Variants in RABEP1 observed in about 807,000 individuals in gnomAD.
The protein encoded by RABEP1 is rab GTPase-binding effector protein 1.
Under a neutral mutation model 123.4 loss-of-function variants are expected in RABEP1, and 51 were observed. The ratio of observed to expected loss-of-function variants is 0.41; its 90% CI spans 0.33 to 0.52. The LOEUF is 0.52. RABEP1 is among the 20% of genes least tolerant of loss of function. RABEP1 has a pLI of 0.16. For synonymous variants in RABEP1, 347 were observed against 355.2 expected (o/e 0.98, Z 0.26); for missense variants, 888 against 996.3 (o/e 0.89, Z 1.46).
chr17:5,302,340 A>C (rs1169193257), intron 1 of RABEP1, among the ~76,000 whole-genome samples: 1 of 145,688 alleles, frequency 6.9e-6, no homozygotes, highest in African/African-American at 2.6e-5. Context: ...TCCCCAGTTC[A>C]AGCAATTCTC....
intron 4 of RABEP1, 23 bp downstream of exon 4, chr17:5,335,367 G>A (rs540379138): frequency 1.9e-6 from 3 of 1,581,610 alleles, no homozygotes; most frequent in Non-Finnish European, 1.7e-6. Context: ...GTGTTCATTT[G>A]TAGAAATATT....
At chr17:5,298,193 A>G (rs193102666) in intron 1 of RABEP1, among the ~76,000 whole-genome samples, 4 of 152,348 alleles carry the variant, frequency 2.6e-5, no homozygotes, top group Non-Finnish European at 1.5e-5. Flanking sequence ...TTTTCTTCTG[A>G]TAAGTAACCC....
At position 5,360,428 on chromosome 17, in the gene RABEP1, G is replaced by A. The variant is rs375866397; in HGVS notation, c.1096-780G>A. ...ATAGAAAACATTAGCCGGGCGAGGT[G>A]GCGGGCACCTGTAGTCCCAGCTACT... On this transcript the variant is annotated intron_variant, in intron 8 of 17. Coordinates refer to ENST00000537505, the MANE Select transcript of RABEP1 (RefSeq NM_004703.6). Among the ~76,000 whole-genome samples the A allele has an allele frequency of 9.8e-5, 15 of 152,346 alleles. 1 individual carries two copies. The highest frequency in any genetic ancestry group is 7.2e-4 in the Admixed American group (11 of 15,298).
rs530468329 is a variant in RABEP1, at chr17:5,333,837, G to C, written c.368-1347G>C. 5.3e-5 allele frequency among the ~76,000 whole-genome samples: 8 copies of C among 152,240 alleles called. No homozygotes were observed. The East Asian group carries it at 1.5e-3, about 29-fold the overall frequency. On this transcript the variant is annotated intron_variant, in intron 3 of 17. Coordinates refer to ENST00000537505, the MANE Select transcript of RABEP1 (RefSeq NM_004703.6). ...CTGAAAAATAGCTGCTTCTCCTTCA[G>C]TCTGCATCAGAAAAGCAAAAATTTT...
intron 12 of RABEP1, chr17:5,371,700 G>C (rs868667440): frequency 2.0e-5 from 3 of 152,366 alleles, no homozygotes; most frequent in African/African-American, 7.2e-5. Context: ...CCTCCTCTGG[G>C]AAGTGTTCTT....
chr17:5,288,278 C>T (rs2074998650), intron 1 of RABEP1, among the ~76,000 whole-genome samples: 1 of 152,152 alleles, frequency 6.6e-6, no homozygotes, highest in African/African-American at 2.4e-5. Context: ...AGAAAGGTCA[C>T]TGTGCCTGGG....
chr17:5,364,185 C>G (rs1338268790), intron 10 of RABEP1: 1 of 152,130 alleles, frequency 6.6e-6, no homozygotes, highest in Non-Finnish European at 1.5e-5. Context: ...GAATGGTTTT[C>G]ATAAACATTT....
At chr17:5,314,296 G>T (rs1305422170) in intron 2 of RABEP1, among the ~76,000 whole-genome samples, 1 of 119,498 alleles carries the variant, frequency 8.4e-6, no homozygotes, top group Admixed American at 1.2e-4. Flanking sequence ...AGGCTGGAGT[G>T]CAGTGGCACG....
At chr17:5,366,971 C>T (rs1020749778) in intron 11 of RABEP1, among the ~76,000 whole-genome samples, 1 of 151,264 alleles carries the variant, frequency 6.6e-6, no homozygotes, top group Non-Finnish European at 1.5e-5. Context: ...TTCCTGTAAT[C>T]CCAGCCACTT....
rs919699745 is a variant in RABEP1, at chr17:5,283,819, T to A, written c.34+1299T>A. 2.0e-5 allele frequency: 3 copies of A among 152,320 alleles called. No homozygotes were observed. The South Asian group carries it at 6.2e-4, about 32-fold the overall frequency. The allele number at this position is 152,320 out of a possible 1,614,324, so 9.4% of individuals were successfully genotyped here. ...GTAGTTTTGGGTGTTGTTGCTTGCC[T>A]AAGGGGAGATGTCCAGTAAGCATTT... On this transcript the variant is annotated intron_variant, in intron 1 of 17. Transcript: ENST00000537505.
chr17:5,358,530 C>T (rs150478798), intron 8 of RABEP1, among the ~76,000 whole-genome samples: 215 of 152,170 alleles, frequency 1.4e-3, no homozygotes, highest in African/African-American at 3.9e-3. Flanking sequence ...ATTAGTCGTG[C>T]ATGGTGTCTG....
chr17:5,325,235 C>G (rs918380094), intron 2 of RABEP1, among the ~76,000 whole-genome samples: 1 of 151,990 alleles, frequency 6.6e-6, no homozygotes, highest in Non-Finnish European at 1.5e-5. Flanking sequence ...ACTTGGGAAG[C>G]TGAGGCAGGA....
At chr17:5,305,534 G>A (rs1207171764) in intron 1 of RABEP1, among the ~76,000 whole-genome samples, 2 of 152,118 alleles carry the variant, frequency 1.3e-5, no homozygotes, top group Admixed American at 6.5e-5. Context: ...TGAGGGGTAT[G>A]GGTGTTTCGG....
At chr17:5,355,802 G>A (rs1908966218) in intron 8 of RABEP1, among the ~76,000 whole-genome samples, 2 of 152,180 alleles carry the variant, frequency 1.3e-5, no homozygotes, top group Admixed American at 1.3e-4. Flanking sequence ...AAAAAGTGCT[G>A]TATATTGAAG....
At chr17:5,299,591 T>TCCAATA (rs1481474895) in intron 1 of RABEP1, among the ~76,000 whole-genome samples, 2 of 151,528 alleles carry the variant, frequency 1.3e-5, no homozygotes, top group East Asian at 3.9e-4. Flanking sequence ...GGTTCTGAAT[T>TCCAATA]CATTTTTAGT....
chr17:5,341,048 A>G (rs974448128), intron 5 of RABEP1, among the ~76,000 whole-genome samples: 2 of 152,150 alleles, frequency 1.3e-5, no homozygotes, highest in South Asian at 2.1e-4. Context: ...GACTATCAAT[A>G]TAATGAAAAA....
chr17:5,370,670 G>C (rs759896239), intron 12 of RABEP1, among the ~76,000 whole-genome samples: 2 of 152,176 alleles, frequency 1.3e-5, no homozygotes, highest in Non-Finnish European at 1.5e-5. Flanking sequence ...CAGATGAAAT[G>C]GTTCAATGGG....
rs753688456 is a variant in RABEP1, at chr17:5,377,146, G to A, written c.2056G>A (p.Glu686Lys). The A allele has an allele frequency of 4.4e-6, 7 of 1,605,070 alleles. No individual in the cohort carries two copies. In the East Asian group the frequency reaches 9.0e-5, roughly 21 times the overall value. The change falls in exon 14 of 18, where the codon GAG becomes AAG. Residue 686 changes from glutamate (E) to lysine (K), a missense_variant. Physicochemically the swap from Glu to Lys is moderately conservative, Grantham distance 56. Coordinates refer to ENST00000537505, the MANE Select transcript of RABEP1 (RefSeq NM_004703.6). ...ALRELVLKYREDIINVRTAAD... is the reference protein window; with the variant it reads ...ALRELVLKYRKDIINVRTAAD... ...GCGGGAGTTGGTATTAAAATACCGT[G>A]AGGACATCATTAATGTGCGGACAGC...
At chr17:5,310,465 G>A (rs972356859) in intron 2 of RABEP1, among the ~76,000 whole-genome samples, 5 of 151,876 alleles carry the variant, frequency 3.3e-5, no homozygotes, top group Non-Finnish European at 4.4e-5. Flanking sequence ...GATTACAGGT[G>A]TGTGCCACCA....
Sources: allele counts gnomAD v4.1 joint callset (sites outside exome capture counted in the v4.1 genomes callset), GRCh38; gene constraint gnomAD v4.1.1; transcripts MANE v1.5; gene names NCBI Gene and HGNC (gene_info 2026-07-23, HGNC 2026-07-21).